The following GRIA4 variants were observed in gnomAD, a reference collection of about 807,000 sequenced individuals.
The protein encoded by GRIA4 is glutamate ionotropic receptor AMPA type subunit 4, also known as glutamate receptor 4.
A neutral mutation model predicts 104.0 loss-of-function variants in GRIA4; 34 were observed. The observed-to-expected ratio is 0.33, with a 90% CI of 0.25 to 0.44. The LOEUF (loss-of-function observed/expected upper bound fraction) is 0.44. Ranked by LOEUF, GRIA4 falls within the 20% of genes least tolerant of loss-of-function variation. The pLI is 1.00. For synonymous variants in GRIA4, 386 were observed against 381.9 expected (o/e 1.01, Z -0.13); for missense variants, 750 against 1,096.5 (o/e 0.68, Z 4.46).
chr11:105,756,150 T>C (rs1368544816), intron 4 of GRIA4, among the ~76,000 whole-genome samples: 1 of 152,110 alleles, frequency 6.6e-6, no homozygotes, highest in African/African-American at 2.4e-5. Context: ...TCATAAGTAA[T>C]ATAGGAGGAT....
chr11:105,619,987 C>T (rs894806794), intron 3 of GRIA4, among the ~76,000 whole-genome samples: 15 of 151,956 alleles, frequency 9.9e-5, no homozygotes, highest in Non-Finnish European at 1.9e-4. Context: ...TGTCCTCTGC[C>T]TCTCGCATTG....
intron 4 of GRIA4, among the ~76,000 whole-genome samples, chr11:105,754,290 T>A (rs1940178236): frequency 1.3e-5 from 2 of 152,264 alleles, no homozygotes; most frequent in African/African-American, 2.4e-5. Context: ...AACTACTTTT[T>A]AAAAAATTTC....
intron 3 of GRIA4, among the ~76,000 whole-genome samples, chr11:105,694,604 C>T (rs1342696904): frequency 1.3e-5 from 2 of 151,950 alleles, no homozygotes; most frequent in Middle Eastern, 3.2e-3. Flanking sequence ...TTTACACTTA[C>T]TGCACATCTT....
intron 4 of GRIA4, among the ~76,000 whole-genome samples, chr11:105,767,062 G>A (rs375568254): frequency 1.3e-3 from 204 of 152,224 alleles, no homozygotes; most frequent in African/African-American, 4.6e-3. Flanking sequence ...ATTTGCTGCT[G>A]TATTCTCAGG....
At position 105,728,021 on chromosome 11, in the gene GRIA4, T is replaced by A. The variant is rs1470976852; in HGVS notation, c.248-24960T>A. Among the ~76,000 whole-genome samples the A allele has an allele frequency of 2.6e-5, 4 of 152,094 alleles. No individual in the cohort carries two copies. In the South Asian group the frequency reaches 6.2e-4, roughly 24 times the overall value. On this transcript the variant is annotated intron_variant, in intron 3 of 16. Transcript: ENST00000282499. The stretch of plus-strand genomic sequence containing the variant: ...ATAATGACAGGATCCAATTCACACA[T>A]AACAACGTTAACCTTTAATGTAAAT...
intron 3 of GRIA4, among the ~76,000 whole-genome samples, chr11:105,747,529 C>T (rs1294823078): frequency 6.6e-6 from 1 of 152,054 alleles, no homozygotes; most frequent in Non-Finnish European, 1.5e-5. Flanking sequence ...ATGTATTATT[C>T]AGATGGAGTA....
intron 3 of GRIA4, among the ~76,000 whole-genome samples, chr11:105,732,808 C>T (rs1938682309): frequency 6.6e-6 from 1 of 152,204 alleles, no homozygotes; most frequent in Admixed American, 6.6e-5. Context: ...GTATCTGGCA[C>T]TTTCAGGCTC....
chr11:105,795,781 G>A (rs910072119), intron 4 of GRIA4, among the ~76,000 whole-genome samples: 1 of 152,010 alleles, frequency 6.6e-6, no homozygotes, highest in Non-Finnish European at 1.5e-5. Context: ...CTAGAACATC[G>A]ATGCTTATTA....
At chr11:105,734,438 A>G (rs1005442396) in intron 3 of GRIA4, among the ~76,000 whole-genome samples, 16 of 152,240 alleles carry the variant, frequency 1.1e-4, no homozygotes, top group African/African-American at 3.4e-4. Context: ...CTGCAATACC[A>G]GGATCAAGTT....
intron 4 of GRIA4, among the ~76,000 whole-genome samples, chr11:105,813,781 T>C (rs1255727446): frequency 1.3e-5 from 2 of 152,136 alleles, no homozygotes; most frequent in African/African-American, 2.4e-5. Flanking sequence ...CTTGGCTGTG[T>C]GCTCAAAGTG....
chr11:105,785,900 C>T (rs1221083109), intron 4 of GRIA4, among the ~76,000 whole-genome samples: 2 of 151,970 alleles, frequency 1.3e-5, no homozygotes, highest in East Asian at 3.9e-4. Flanking sequence ...AATCCCAGAA[C>T]TTTGGGAGGT....
intron 3 of GRIA4, among the ~76,000 whole-genome samples, chr11:105,684,819 G>A (rs1273491345): frequency 4.6e-5 from 7 of 151,690 alleles, no homozygotes; most frequent in Non-Finnish European, 8.8e-5. Flanking sequence ...CTAGAAAGCA[G>A]TGCATTGACT....
intron 3 of GRIA4, among the ~76,000 whole-genome samples, chr11:105,730,400 C>T (rs995736947): frequency 1.3e-5 from 2 of 152,162 alleles, no homozygotes; most frequent in Non-Finnish European, 2.9e-5. Flanking sequence ...AATGGAAAAA[C>T]ATTCCATGCT....
intron 4 of GRIA4, among the ~76,000 whole-genome samples, chr11:105,829,797 C>T (rs771699889): frequency 2.6e-5 from 4 of 151,710 alleles, no homozygotes; most frequent in Non-Finnish European, 5.9e-5. Context: ...CTATTTTATC[C>T]ATATATAAGT....
At chr11:105,726,041 C>G (rs1209876911) in intron 3 of GRIA4, among the ~76,000 whole-genome samples, 1 of 152,052 alleles carries the variant, frequency 6.6e-6, no homozygotes, top group Non-Finnish European at 1.5e-5. Context: ...GCCATTGAGA[C>G]AGAACCGTTC....
At chr11:105,937,879 A>G (rs535396632) in intron 14 of GRIA4, among the ~76,000 whole-genome samples, 2 of 152,350 alleles carry the variant, frequency 1.3e-5, no homozygotes, top group African/African-American at 4.8e-5. Context: ...GCCAAATTGC[A>G]GGAACCCATG....
intron 3 of GRIA4, among the ~76,000 whole-genome samples, chr11:105,704,054 T>C (rs951913063): frequency 6.6e-6 from 1 of 152,058 alleles, no homozygotes; most frequent in African/African-American, 2.4e-5. Flanking sequence ...ATATACTGAA[T>C]GCTTATTCAA....
chr11:105,648,506 C>A (rs1951594412), intron 3 of GRIA4, among the ~76,000 whole-genome samples: 1 of 148,788 alleles, frequency 6.7e-6, no homozygotes, highest in African/African-American at 2.5e-5. Flanking sequence ...TTGAATGCCT[C>A]AAAGAGTTTA....
chr11:105,848,387 C>A (rs902394632), intron 4 of GRIA4, among the ~76,000 whole-genome samples: 2 of 152,092 alleles, frequency 1.3e-5, no homozygotes, highest in African/African-American at 4.8e-5. Context: ...TAATTTTTGG[C>A]ACAACATTAA....
Sources: allele counts gnomAD v4.1 joint callset (sites outside exome capture counted in the v4.1 genomes callset), GRCh38; gene constraint gnomAD v4.1.1; transcripts MANE v1.5; gene names NCBI Gene and HGNC (gene_info 2026-07-23, HGNC 2026-07-21).